ARHGEF12: variants seen among roughly 807,000 people sequenced by gnomAD.
ARHGEF12 encodes Rho guanine nucleotide exchange factor 12.
In ARHGEF12, 66 loss-of-function variants were observed where a neutral mutation model predicts 211.2. The ratio of observed to expected loss-of-function variants is 0.31; its 90% CI spans 0.26 to 0.38. The LOEUF (loss-of-function observed/expected upper bound fraction) is 0.38, where lower values mean the gene tolerates loss of function less well. Among genes scored for constraint, ARHGEF12 ranks in the 10% least tolerant of loss-of-function variants. The probability of loss-of-function intolerance (pLI) is 1.00; values close to 1 mark genes in which losing one functional copy is unlikely to be tolerated. For synonymous variants in ARHGEF12, 592 were observed against 638.4 expected, an observed-to-expected ratio of 0.93 and a Z score of 1.09; for missense variants, 1,429 against 1,869.5, an observed-to-expected ratio of 0.76 and a Z score of 4.34.
intron 1 of ARHGEF12, among the ~76,000 whole-genome samples, chr11:120,400,475 G>A (rs1944523560): frequency 6.6e-6 from 1 of 152,104 alleles, no homozygotes; most frequent in Non-Finnish European, 1.5e-5. Flanking sequence ...TTTCCTAGCA[G>A]TTCTTTTTAC....
intron 11 of ARHGEF12, among the ~76,000 whole-genome samples, chr11:120,433,862 G>A (rs927531949): frequency 6.6e-6 from 1 of 152,150 alleles, no homozygotes; most frequent in African/African-American, 2.4e-5. Flanking sequence ...AGAGTCTGAG[G>A]CAGGAGAACT....
chr11:120,354,851 C>T (rs992678450), intron 1 of ARHGEF12, among the ~76,000 whole-genome samples: 1 of 152,156 alleles, frequency 6.6e-6, no homozygotes, highest in Non-Finnish European at 1.5e-5. Flanking sequence ...TCGAAGGAGT[C>T]GTATAGATGT....
chr11:120,447,177 A>G, intron 18 of ARHGEF12, 92 bp downstream of exon 18: 3 of 1,426,030 alleles, frequency 2.1e-6, no homozygotes, highest in South Asian at 1.6e-5. Context: ...AAAAACTGTC[A>G]GATTGTGTAT....
At position 120,436,585 on chromosome 11, in the gene ARHGEF12, A is replaced by G. The variant is rs532797836; in HGVS notation, c.925-723A>G. On this transcript the variant is annotated intron_variant, in intron 11 of 40. Coordinates refer to ENST00000397843, the MANE Select transcript of ARHGEF12 (RefSeq NM_015313.3). ...CATCTGTGGATTCAGCCAACCATTT[A>G]TCAAAATATTCAGGGATAGAAATGC... Among the ~76,000 whole-genome samples the G allele has an allele frequency of 3.3e-5, 5 of 152,338 alleles. No individual in the cohort carries two copies. The East Asian group carries it at 5.8e-4, about 18-fold the overall frequency.
At chr11:120,337,606 G>C (rs1942392472) in intron 1 of ARHGEF12, 2 of 985,272 alleles carry the variant, frequency 2.0e-6, no homozygotes, top group African/African-American at 3.5e-5. Context: ...GAAGGTCGGT[G>C]CCTGAAGTCG....
intron 1 of ARHGEF12, among the ~76,000 whole-genome samples, chr11:120,384,922 T>G (rs1943984511): frequency 6.6e-6 from 1 of 151,658 alleles, no homozygotes; most frequent in Non-Finnish European, 1.5e-5. Context: ...TTGGTTTATC[T>G]GGCTTTAGGA....
At chr11:120,483,596 TTCTA>T (rs936530238) in intron 39 of ARHGEF12, among the ~76,000 whole-genome samples, 2 of 151,074 alleles carry the variant, frequency 1.3e-5, no homozygotes, top group African/African-American at 2.4e-5. Context: ...GCTAATTTTT[TTCTA>T]TCTTTTAATT....
chr11:120,483,511 C>T (rs1465535108), intron 39 of ARHGEF12, among the ~76,000 whole-genome samples: 1 of 152,018 alleles, frequency 6.6e-6, no homozygotes, highest in Non-Finnish European at 1.5e-5. Context: ...GCAACCTCCG[C>T]CTCCCGGGTT....
chr11:120,472,001 G>T (rs1946882484), intron 30 of ARHGEF12, among the ~76,000 whole-genome samples: 1 of 152,068 alleles, frequency 6.6e-6, no homozygotes, highest in Non-Finnish European at 1.5e-5. Flanking sequence ...CCATCAGTAA[G>T]GCGTAATGAA....
rs1942373877 is a variant in ARHGEF12 at position 120,337,141 on chromosome 11, C to T, written c.-103C>T. 5.7e-6 allele frequency: 8 copies of T among 1,400,408 alleles called. No individual in the cohort carries two copies. Among genetic ancestry groups the T allele is most frequent in the African/African-American group, 1.4e-5 (1 of 70,998 alleles). The allele number at this position is 1,400,408 out of a possible 1,614,324, so 86.7% of individuals were successfully genotyped here. On this transcript the variant is annotated 5_prime_UTR_variant, in exon 1 of 41. Transcript: ENST00000397843. ...GGAGTTTTGAGTTGGACTTTTGTGT[C>T]CCTGACGGAGTTGGGCCTGATCCCA...
Position 120,480,006 on chromosome 11 carries a change from G to C in ARHGEF12, c.3813G>C (p.Glu1271Asp). Residue 1271 changes from glutamate (E) to aspartate (D), a missense_variant, in exon 38 of 41, where the codon GAG (glutamate) becomes GAC (aspartate). Transcript: ENST00000397843. ...QLLVQQLGLTEKSVQEDWQHF... is the reference protein window; with the variant it reads ...QLLVQQLGLTDKSVQEDWQHF... ...TGGTGCAACAGCTAGGTTTGACTGA[G>C]AAGAGCGTTCAGGAAGACTGGCAAC... The C allele has an allele frequency of 6.2e-7, 1 of 1,614,142 alleles. No individual in the cohort carries two copies. Among genetic ancestry groups the C allele is most frequent in the South Asian group, 1.1e-5 (1 of 91,070 alleles).
intron 1 of ARHGEF12, among the ~76,000 whole-genome samples, chr11:120,402,700 G>A (rs561547689): frequency 1.3e-5 from 2 of 152,208 alleles, no homozygotes; most frequent in South Asian, 4.1e-4. Flanking sequence ...ATGAATTAAG[G>A]TTTGAGTGTG....
rs1479521439 is a variant in ARHGEF12 at position 120,477,236 on chromosome 11, G to A, written c.3383G>A (p.Cys1128Tyr). The change falls in exon 35 of 41, where the codon TGT (cysteine) becomes TAT (tyrosine). Residue 1128 changes from cysteine to tyrosine, a missense_variant. Around this residue, in one of 7 missense-constraint regions of ARHGEF12, gnomAD observed 223 missense variants for 444.6 expected, o/e 0.50. Transcript: ENST00000397843. ...TTCTGAAGCTGGCAGGACCTAATCT[G>A]TCGGATGGCTGCATCAGTGAAGGAG... ...SEKTVWQDLICRMAASVKEQS... is the reference protein window; with the variant it reads ...SEKTVWQDLIYRMAASVKEQS... The A allele has an allele frequency of 6.2e-7, 1 of 1,613,950 alleles. No homozygotes were observed. The highest frequency in any genetic ancestry group is 8.5e-7 in the Non-Finnish European group (1 of 1,179,988).
At chr11:120,414,367 C>G (rs1308315081) in intron 4 of ARHGEF12, among the ~76,000 whole-genome samples, 1 of 152,082 alleles carries the variant, frequency 6.6e-6, no homozygotes. Flanking sequence ...AGAAATGTTC[C>G]TCTACTTTGC....
intron 2 of ARHGEF12, among the ~76,000 whole-genome samples, chr11:120,407,435 A>G (rs1944739884): frequency 6.6e-6 from 1 of 152,192 alleles, no homozygotes; most frequent in Admixed American, 6.5e-5. Flanking sequence ...TGTCTGTTAA[A>G]TGGAAATGAT....
intron 1 of ARHGEF12, among the ~76,000 whole-genome samples, chr11:120,355,408 A>G (rs769404607): frequency 6.6e-6 from 1 of 152,222 alleles, no homozygotes; most frequent in Non-Finnish European, 1.5e-5. Context: ...TAGGTACTTT[A>G]TATACATCAT....
At chr11:120,342,523 G>A (rs1473512643) in intron 1 of ARHGEF12, among the ~76,000 whole-genome samples, 2 of 152,126 alleles carry the variant, frequency 1.3e-5, no homozygotes, top group Non-Finnish European at 2.9e-5. Context: ...TAGCCAAGCT[G>A]TATGCTTTCT....
intron 24 of ARHGEF12, 114 bp from the exon 25 acceptor site, chr11:120,457,966 G>C (rs1946415975): frequency 1.5e-6 from 2 of 1,312,194 alleles, no homozygotes; most frequent in Admixed American, 5.4e-5. Flanking sequence ...TGAAATTTCA[G>C]TGCTAAGTCA....
At chr11:120,471,254 A>G (rs1193159524) in intron 30 of ARHGEF12, among the ~76,000 whole-genome samples, 3 of 152,222 alleles carry the variant, frequency 2.0e-5, no homozygotes, top group South Asian at 2.1e-4. Context: ...TGGTATAGTT[A>G]TAAAATAGAA....
Sources: gnomAD v4.1 joint callset for allele counts (sites outside exome capture counted in the v4.1 genomes callset) on GRCh38, gnomAD v4.1.1 for gene constraint, gnomAD v4.1.1 regional missense constraint, MANE v1.5 for transcripts, NCBI Gene and HGNC (gene_info 2026-07-23, HGNC 2026-07-21) for gene names.